PTCD2: variants seen among roughly 807,000 people sequenced by gnomAD.
PTCD2 encodes pentatricopeptide repeat domain 2.
In PTCD2, 31 loss-of-function variants were observed where a neutral mutation model predicts 42.6. That is an observed-to-expected ratio of 0.73 (90% CI 0.55 to 0.98). The LOEUF (loss-of-function observed/expected upper bound fraction) is 0.98, where lower values mean the gene tolerates loss of function less well. Among genes scored for constraint, PTCD2 ranks in the 50% least tolerant of loss-of-function variants. The pLI, the probability that PTCD2 is intolerant of heterozygous loss-of-function variation, is 0.00. For missense variants in PTCD2, 476 were observed against 454.8 expected (o/e 1.05, Z -0.42); for synonymous variants, 183 against 170.9 (o/e 1.07, Z -0.55).
rs1248353782 is a variant in PTCD2 at position 72,320,394 on chromosome 5, C to T, written c.12C>T (p.Asp4=). 6.2e-7 allele frequency: 1 copy of T among 1,614,136 alleles called. No homozygotes were observed. Among genetic ancestry groups the T allele is most frequent in the Non-Finnish European group, 8.5e-7 (1 of 1,180,006 alleles). The change falls in exon 1 of 10, where the codon GAC becomes GAT. Residue 4 remains aspartate, a synonymous_variant. Coordinates refer to ENST00000380639, the MANE Select transcript of PTCD2 (RefSeq NM_024754.5). The stretch of plus-strand genomic sequence containing the variant: ...TTCCAGTAGTTGGTATGGTCCGAGA[C>T]AGTATGGCTGCTGCATTTCGGCCCT... MVR[D]SMAAAFRPSN...
chr5:72,336,712 A>G (rs1289261787), intron 6 of PTCD2, among the ~76,000 whole-genome samples: 1 of 70,768 alleles, frequency 1.4e-5, no homozygotes, highest in East Asian at 2.1e-4. Flanking sequence ...CTCTGTCTCA[A>G]AAAAAAAAAA....
chr5:72,362,918 G>A lies in PTCD2; in HGVS notation c.*4491G>A, dbSNP rs1753126159. On this transcript the variant is annotated 3_prime_UTR_variant, in exon 10 of 10. Coordinates refer to ENST00000380639, the MANE Select transcript of PTCD2 (RefSeq NM_024754.5). ...TTGGTTGTGAAATAAAACAATCCTG[G>A]GCAATATTTGTTGATAGTTTTGTTG... The A allele has an allele frequency of 6.6e-6, 1 of 152,074 alleles. No individual in the cohort carries two copies. Among genetic ancestry groups the A allele is most frequent in the African/African-American group, 2.4e-5 (1 of 41,396 alleles). 9.4% of individuals were successfully genotyped at this position (152,074 alleles called of 1,614,324 possible). A position where few individuals can be genotyped will look rare whatever the true frequency, so the allele number is the denominator to read the frequency against.
intron 2 of PTCD2, among the ~76,000 whole-genome samples, chr5:72,325,794 C>T (rs1377108149): frequency 6.6e-6 from 1 of 152,180 alleles, no homozygotes; most frequent in African/African-American, 2.4e-5. Flanking sequence ...ACAGTTCTGC[C>T]TTCTGGAAAG....
chr5:72,347,768 A>G (rs1038183887), intron 8 of PTCD2, among the ~76,000 whole-genome samples: 1 of 151,996 alleles, frequency 6.6e-6, no homozygotes, highest in African/African-American at 2.4e-5. Flanking sequence ...GGAGCTAAAC[A>G]TGAGCCTGCT....
intron 2 of PTCD2, among the ~76,000 whole-genome samples, chr5:72,322,625 C>T (rs1750921118): frequency 6.6e-6 from 1 of 152,182 alleles, no homozygotes; most frequent in African/African-American, 2.4e-5. Context: ...CATTCATATG[C>T]ACAATAAAGT....
intron 8 of PTCD2, among the ~76,000 whole-genome samples, chr5:72,344,763 C>T (rs901776629): frequency 2.0e-5 from 3 of 151,964 alleles, no homozygotes; most frequent in Non-Finnish European, 4.4e-5. Context: ...CATCACATGT[C>T]GGCAGGTTCC....
intron 8 of PTCD2, among the ~76,000 whole-genome samples, chr5:72,351,522 T>C (rs137897237): frequency 5.9e-5 from 9 of 152,202 alleles, no homozygotes; most frequent in Non-Finnish European, 1.2e-4. Context: ...TTGCCAGAGA[T>C]TGGGTAATTT....
intron 8 of PTCD2, among the ~76,000 whole-genome samples, chr5:72,350,821 T>G (rs897006194): frequency 6.6e-6 from 1 of 152,198 alleles, no homozygotes; most frequent in African/African-American, 2.4e-5. Flanking sequence ...GTAAATCTCT[T>G]CCAGGAAAAC....
In PTCD2 at chr5:72,362,812, C is replaced by T. The variant is rs1753124185; in HGVS notation, c.*4385C>T. 1 of 152,188 alleles carries T rather than the reference C, an allele frequency of 6.6e-6. No homozygotes were observed. Among genetic ancestry groups the T allele is most frequent in the Non-Finnish European group, 1.5e-5 (1 of 68,032 alleles). The allele number at this position is 152,188 out of a possible 1,614,324, so 9.4% of individuals were successfully genotyped here. A position where few individuals can be genotyped will look rare whatever the true frequency, so the allele number is the denominator to read the frequency against. On this transcript the variant is annotated 3_prime_UTR_variant, in exon 10 of 10. Transcript: ENST00000380639. ...TCCCAACACAGAAAATTTTAGCCTG[C>T]CATGTTGACTCCCAGGGATCTTTTT...
intron 3 of PTCD2, among the ~76,000 whole-genome samples, chr5:72,329,475 A>G (rs947920252): frequency 6.6e-6 from 1 of 152,226 alleles, no homozygotes; most frequent in Non-Finnish European, 1.5e-5. Context: ...GCAATTCATT[A>G]TCTCAGTGAC....
At chr5:72,341,582 A>C (rs1477978612) in intron 7 of PTCD2, among the ~76,000 whole-genome samples, 2 of 151,968 alleles carry the variant, frequency 1.3e-5, no homozygotes, top group African/African-American at 4.8e-5. Flanking sequence ...AAAATAAATA[A>C]ATAAATAAAA....
chr5:72,327,264 G>A (rs1351708042), intron 3 of PTCD2, among the ~76,000 whole-genome samples: 1 of 152,066 alleles, frequency 6.6e-6, no homozygotes, highest in Non-Finnish European at 1.5e-5. Flanking sequence ...TCCTTTCAGT[G>A]GACTCCTATT....
chr5:72,346,050 C>G (rs1752341701), intron 8 of PTCD2, among the ~76,000 whole-genome samples: 1 of 152,146 alleles, frequency 6.6e-6, no homozygotes, highest in Admixed American at 6.5e-5. Flanking sequence ...TTTTGGAGAA[C>G]AAGGTCAGGC....
Position 72,360,193 on chromosome 5 carries a change from T to C in PTCD2, c.*1766T>C, listed in dbSNP as rs944028719. On this transcript the variant is annotated 3_prime_UTR_variant, in exon 10 of 10. Coordinates refer to ENST00000380639, the MANE Select transcript of PTCD2 (RefSeq NM_024754.5). ...AATCCTAATTGTTTCTGTATGTGTCTGGTGTTTTGCACATGCAAAAAAAAA... is the reference window on the plus strand; with the variant it reads ...AATCCTAATTGTTTCTGTATGTGTCCGGTGTTTTGCACATGCAAAAAAAAA... 2 of 151,194 alleles carry C rather than the reference T, an allele frequency of 1.3e-5. No individual in the cohort carries two copies. Among genetic ancestry groups the C allele is most frequent in the African/African-American group, 4.9e-5 (2 of 41,002 alleles). The allele number at this position is 151,194 out of a possible 1,614,324, so 9.4% of individuals were successfully genotyped here.
In PTCD2 at chr5:72,322,140, T is replaced by C. The variant is rs1316136414; in HGVS notation, c.128-32T>C. 4.2e-6 allele frequency: 5 copies of C among 1,180,284 alleles called. No individual in the cohort carries two copies. The South Asian group carries it at 6.2e-5, about 15-fold the overall frequency. 73.1% of individuals were successfully genotyped at this position (1,180,284 alleles called of 1,614,324 possible). A position where few individuals can be genotyped will look rare whatever the true frequency, so the allele number is the denominator to read the frequency against. On this transcript the variant is annotated intron_variant, in intron 1 of 9. Coordinates refer to ENST00000380639, the MANE Select transcript of PTCD2 (RefSeq NM_024754.5). ...TTGCTAACTTCTAAAACAGTCAAAA[T>C]GACTTTACTTTTTTCTTTCTCTGAT...
chr5:72,340,603 G>C (rs1258317150), intron 7 of PTCD2, among the ~76,000 whole-genome samples: 2 of 152,096 alleles, frequency 1.3e-5, no homozygotes, highest in East Asian at 3.8e-4. Flanking sequence ...TTCCAGTTTT[G>C]TCTTTGTTGG....
intron 8 of PTCD2, among the ~76,000 whole-genome samples, chr5:72,343,506 G>A (rs1477394220): frequency 1.3e-5 from 2 of 152,162 alleles, no homozygotes; most frequent in Non-Finnish European, 2.9e-5. Context: ...CATGTGGTAA[G>A]CATTCAGTAA....
intron 4 of PTCD2, among the ~76,000 whole-genome samples, chr5:72,332,138 C>T (rs577843424): frequency 3.3e-5 from 5 of 152,282 alleles, no homozygotes; most frequent in South Asian, 2.1e-4. Flanking sequence ...TTTGGGGCCA[C>T]GGCTGGCCAC....
chr5:72,332,429 A>C (rs1329824788), intron 4 of PTCD2, among the ~76,000 whole-genome samples: 1 of 152,198 alleles, frequency 6.6e-6, no homozygotes, highest in African/African-American at 2.4e-5. Context: ...ATATAAATAC[A>C]TAGATACTGG....
Sources: gnomAD v4.1 joint callset for allele counts (sites outside exome capture counted in the v4.1 genomes callset) on GRCh38, gnomAD v4.1.1 for gene constraint, MANE v1.5 for transcripts, NCBI Gene and HGNC (gene_info 2026-07-23, HGNC 2026-07-21) for gene names.